The following SNRPN variants were observed in gnomAD, a reference collection of about 807,000 sequenced individuals.
The protein encoded by SNRPN is small nuclear ribonucleoprotein polypeptide N.
A neutral mutation model predicts 25.2 loss-of-function variants in SNRPN; 7 were observed. The observed-to-expected ratio is 0.28, with a 90% CI of 0.16 to 0.52. The LOEUF (loss-of-function observed/expected upper bound fraction) is 0.52. SNRPN is among the 20% of genes least tolerant of loss of function. The probability of loss-of-function intolerance (pLI) is 0.96; values close to 1 mark genes in which losing one functional copy is unlikely to be tolerated. For synonymous variants in SNRPN, 124 were observed against 110.6 expected (o/e 1.12, Z -0.76); for missense variants, 196 against 322.5 (o/e 0.61, Z 3.00).
chr15:24,859,578 T>C (rs978648796), intron 1 of SNRPN, among the ~76,000 whole-genome samples: 13 of 152,204 alleles, frequency 8.5e-5, no homozygotes, highest in African/African-American at 3.1e-4. Context: ...GATATTTTTA[T>C]TCCAAATTAA....
intron 2 of SNRPN, among the ~76,000 whole-genome samples, chr15:24,907,686 T>G (rs1162056926): frequency 2.0e-5 from 3 of 151,386 alleles, no homozygotes; most frequent in Non-Finnish European, 4.4e-5. Context: ...GCTCAAGTGA[T>G]CCTCCCACCT....
At chr15:24,856,939 T>C (rs2053454408) in intron 1 of SNRPN, among the ~76,000 whole-genome samples, 1 of 152,202 alleles carries the variant, frequency 6.6e-6, no homozygotes, top group Non-Finnish European at 1.5e-5. Flanking sequence ...ATGATCATTC[T>C]TTACCAGTGC....
intron 2 of SNRPN, among the ~76,000 whole-genome samples, chr15:24,889,021 C>T (rs2057426093): frequency 6.6e-6 from 1 of 151,990 alleles, no homozygotes; most frequent in Admixed American, 6.6e-5. Flanking sequence ...GGGTTCATGC[C>T]ATTCTCTTGC....
intron 1 of SNRPN, among the ~76,000 whole-genome samples, chr15:24,857,943 G>C (rs1314035104): frequency 6.6e-6 from 1 of 152,134 alleles, no homozygotes. Context: ...ATCATAGGGA[G>C]TGGAAGCTGT....
At chr15:24,911,101 GA>G in intron 2 of SNRPN, 1 of 1,381,166 alleles carries the variant, frequency 7.2e-7, no homozygotes, top group Non-Finnish European at 9.7e-7. Context: ...GGAGAGGGAT[GA>G]AGGAGATCCT....
chr15:24,829,311 C>A (rs534568646), intron 1 of SNRPN, among the ~76,000 whole-genome samples: 1 of 152,010 alleles, frequency 6.6e-6, no homozygotes, highest in Non-Finnish European at 1.5e-5. Flanking sequence ...ACTGGGTGGG[C>A]AAGGGAGGCC....
chr15:24,894,782 C>T (rs1453850066), intron 2 of SNRPN, among the ~76,000 whole-genome samples: 1 of 152,168 alleles, frequency 6.6e-6, no homozygotes, highest in Non-Finnish European at 1.5e-5. Flanking sequence ...CTTGCACAGG[C>T]TTGTGTCTGT....
intron 1 of SNRPN, among the ~76,000 whole-genome samples, chr15:24,868,128 T>C (rs1369719629): frequency 1.3e-5 from 2 of 150,548 alleles, no homozygotes; most frequent in Non-Finnish European, 2.9e-5. Flanking sequence ...TGTGTATATA[T>C]ATATATATAC....
chr15:24,884,355 G>A (rs1231412503), intron 1 of SNRPN, among the ~76,000 whole-genome samples: 3 of 151,990 alleles, frequency 2.0e-5, no homozygotes, highest in Non-Finnish European at 4.4e-5. Context: ...AAACAAAAAG[G>A]GTGTAGTATA....
At chr15:24,949,376 A>G (rs1000574566) in intron 3 of SNRPN, among the ~76,000 whole-genome samples, 2 of 152,054 alleles carry the variant, frequency 1.3e-5, no homozygotes, top group Admixed American at 6.6e-5. Context: ...AACGCCTGAC[A>G]TGTTGCCTCA....
At chr15:24,964,604 T>A (rs1351150029) in intron 2 of SNRPN, among the ~76,000 whole-genome samples, 1 of 152,162 alleles carries the variant, frequency 6.6e-6, no homozygotes, top group Non-Finnish European at 1.5e-5. Flanking sequence ...AGCCTCTCCC[T>A]TCATTCTTTT....
intron 3 of SNRPN, among the ~76,000 whole-genome samples, chr15:24,941,863 C>T (rs145026551): frequency 6.6e-6 from 1 of 152,130 alleles, no homozygotes; most frequent in African/African-American, 2.4e-5. Flanking sequence ...ACTGCAACCT[C>T]TGCTGCCCGG....
At chr15:24,870,907 G>C (rs966960444) in intron 1 of SNRPN, among the ~76,000 whole-genome samples, 1 of 150,366 alleles carries the variant, frequency 6.7e-6, no homozygotes, top group Admixed American at 6.7e-5. Flanking sequence ...TTGAGATAGA[G>C]TCTCACTCTG....
intron 2 of SNRPN, among the ~76,000 whole-genome samples, chr15:24,964,148 A>G (rs1054048843): frequency 1.3e-5 from 2 of 151,900 alleles, no homozygotes; most frequent in African/African-American, 4.8e-5. Flanking sequence ...TAGTGAGTAT[A>G]TTTAAGTACA....
chr15:24,878,183 C>A (rs1446958045), intron 1 of SNRPN, among the ~76,000 whole-genome samples: 1 of 152,212 alleles, frequency 6.6e-6, no homozygotes, highest in Non-Finnish European at 1.5e-5. Context: ...TTCTTTAAAA[C>A]GCTTTCCAAT....
At chr15:24,835,758 C>T (rs550902096) in intron 2 of SNRPN, among the ~76,000 whole-genome samples, 18 of 152,190 alleles carry the variant, frequency 1.2e-4, no homozygotes, top group Admixed American at 2.6e-4. Context: ...AACCTATGCG[C>T]GGAGTATGTT....
At chr15:24,860,751 T>C (rs1176430989) in intron 1 of SNRPN, among the ~76,000 whole-genome samples, 1 of 152,202 alleles carries the variant, frequency 6.6e-6, no homozygotes, top group Non-Finnish European at 1.5e-5. Flanking sequence ...ACAGAAAGAT[T>C]GGACACTCAA....
At position 24,962,874 on chromosome 15, in the gene SNRPN, AGTAG is replaced by A. The variant is rs371400388; in HGVS notation, c.-295+670_-295+673del. On this transcript the variant is annotated intron_variant, in intron 2 of 9. Transcript: ENST00000390687. ...ATTTGATGCCATTAAAATTTTGATC[AGTAG>A]GTAGCATTTTTTTCTTAGCTACAAT... Among the ~76,000 whole-genome samples the A allele has an allele frequency of 8.9e-4, 136 of 152,334 alleles. 3 individuals are homozygous for A. In the East Asian group the frequency reaches 0.02, roughly 23 times the overall value.
chr15:24,853,402 T>TC (rs1297833544), upstream of SNRPN, among the ~76,000 whole-genome samples: 25 of 152,112 alleles, frequency 1.6e-4, no homozygotes, highest in African/African-American at 6.0e-4. Flanking sequence ...TGTCTGATTT[T>TC]TTTTTTTTTT....
Sources: allele counts gnomAD v4.1 joint callset (sites outside exome capture counted in the v4.1 genomes callset), GRCh38; gene constraint gnomAD v4.1.1; transcripts MANE v1.5; gene names NCBI Gene and HGNC (gene_info 2026-07-23, HGNC 2026-07-21).